Variants in C6orf120 observed in about 807,000 individuals in gnomAD.
C6orf120 encodes UPF0669 protein C6orf120.
For missense variants in C6orf120, 311 were observed against 264.2 expected (o/e 1.18, Z -1.23); for synonymous variants, 165 against 123.1 (o/e 1.34, Z -2.25).
downstream of C6orf120, chr6:169,705,859 TG>T (rs2128328655): frequency 1.6e-6 from 1 of 636,712 alleles, no homozygotes. Context: ...AGACAAAACT[TG>T]ACAGGAGTCT....
exon 1 of C6orf120, chr6:169,704,103 GTTAA>G (rs751419693): frequency 6.4e-7 from 1 of 1,567,542 alleles, no homozygotes; most frequent in Admixed American, 2.2e-5. Flanking sequence ...GAAAAAAATT[GTTAA>G]TATAGAATGA....
exon 1 of C6orf120, chr6:169,702,461 T>G: frequency 1.9e-6 from 3 of 1,539,266 alleles, no homozygotes; most frequent in Non-Finnish European, 2.6e-6. Context: ...CCGCCAGCCA[T>G]GGCCGCTCCC....
chr6:169,702,909 C>T, exon 1 of C6orf120: 3 of 1,612,640 alleles, frequency 1.9e-6, no homozygotes, highest in East Asian at 2.2e-5. Flanking sequence ...CCGCCTACCC[C>T]GCCGACGGCG....
downstream of C6orf120, chr6:169,705,468 A>C: frequency 1.4e-6 from 1 of 712,094 alleles, no homozygotes; most frequent in Non-Finnish European, 2.4e-6. Flanking sequence ...GTAGAGGAAA[A>C]CACATGGGCT....
chr6:169,705,543 G>A, downstream of C6orf120: 1 of 910,292 alleles, frequency 1.1e-6, no homozygotes, highest in Non-Finnish European at 1.8e-6. Context: ...AAATCTGCCT[G>A]AAACTATAAA....
chr6:169,703,737 CT>C, exon 1 of C6orf120: 2 of 438,010 alleles, frequency 4.6e-6, no homozygotes, highest in Non-Finnish European at 8.2e-6. Context: ...ACTTTTGGGG[CT>C]ATGGAGAAAC....
At chr6:169,704,111 A>G in exon 1 of C6orf120, 2 of 1,556,680 alleles carry the variant, frequency 1.3e-6, no homozygotes, top group Non-Finnish European at 1.7e-6. Flanking sequence ...TTGTTAATAT[A>G]GAATGAAAAA....
chr6:169,703,618 G>A (rs1365225019), exon 1 of C6orf120: 1 of 224,634 alleles, frequency 4.5e-6, no homozygotes, highest in Non-Finnish European at 9.3e-6. Flanking sequence ...CCAAATCTTA[G>A]TGGGCCATTT....
chr6:169,705,485 A>G (rs1788750735), downstream of C6orf120: 2 of 718,136 alleles, frequency 2.8e-6, no homozygotes, highest in South Asian at 1.7e-5. Flanking sequence ...GGCTGTGTCT[A>G]TGCCTCACAA....
chr6:169,703,940 T>C lies in C6orf120; in HGVS notation c.*905T>C, dbSNP rs560200480. On this transcript the variant is annotated 3_prime_UTR_variant, in exon 1 of 1. Coordinates refer to ENST00000332290, the Ensembl canonical transcript of C6orf120. The stretch of plus-strand genomic sequence containing the variant: ...AAATCTTTTATTGGCATGAAAATAA[T>C]GTTGTAAATGGCACCAAATATTCCA... 66 of 1,276,474 alleles carry C rather than the reference T, an allele frequency of 5.2e-5. No homozygotes were observed. In the Middle Eastern group the frequency reaches 1.1e-3, roughly 22 times the overall value. The allele number at this position is 1,276,474 out of a possible 1,614,324, so 79.1% of individuals were successfully genotyped here.
chr6:169,703,889 G>T, exon 1 of C6orf120: 1 of 759,552 alleles, frequency 1.3e-6, no homozygotes, highest in Non-Finnish European at 2.1e-6. Context: ...AATAACTGCA[G>T]ATTTTAAGCT....
chr6:169,705,828 G>C (rs2128328646), downstream of C6orf120: 1 of 699,148 alleles, frequency 1.4e-6, no homozygotes, highest in South Asian at 1.6e-5. Context: ...TTGGTAACTT[G>C]CTAATGAGGA....
chr6:169,705,708 T>C (rs757350691), downstream of C6orf120: 7 of 1,572,710 alleles, frequency 4.5e-6, no homozygotes, highest in Non-Finnish European at 6.1e-6. Flanking sequence ...ACATATAGCA[T>C]TTGGAATGAC....
At chr6:169,702,426 C>A (rs1376323874) in exon 1 of C6orf120, 10 of 1,344,916 alleles carry the variant, frequency 7.4e-6, no homozygotes, top group Non-Finnish European at 9.2e-6. Flanking sequence ...GCAGCACTGA[C>A]CCACTTGCAG....
chr6:169,703,001 G>A, exon 1 of C6orf120: 3 of 1,572,800 alleles, frequency 1.9e-6, no homozygotes, highest in Non-Finnish European at 2.6e-6. Flanking sequence ...ATATTAATTA[G>A]CATTTTGAAA....
chr6:169,703,909 C>A, exon 1 of C6orf120: 1 of 1,038,270 alleles, frequency 9.6e-7, no homozygotes, highest in Non-Finnish European at 1.4e-6. Context: ...TCATAATTTG[C>A]AAAAAAAATC....
exon 1 of C6orf120, chr6:169,702,729 C>A: frequency 6.2e-7 from 1 of 1,613,528 alleles, no homozygotes; most frequent in Non-Finnish European, 8.5e-7. Flanking sequence ...CCAGCTTCGA[C>A]GACTACGAGC....
At chr6:169,705,733 G>A (rs377234354), downstream of C6orf120, 8 of 1,292,292 alleles carry the variant, frequency 6.2e-6, no homozygotes, top group African/African-American at 1.0e-4. Context: ...GGCTGGAAGG[G>A]TAGAAGAGGG....
In C6orf120 at chr6:169,703,350, GAC is replaced by G. The variant is rs1409105257; in HGVS notation, c.*319_*320del. 1.5e-5 allele frequency: 5 copies of G among 344,822 alleles called. No individual in the cohort carries two copies. The East Asian group carries it at 2.9e-4, about 20-fold the overall frequency. 21.4% of individuals were successfully genotyped at this position (344,822 alleles called of 1,614,324 possible). ...AAAATAGAGCAACCTTTCATGCTGT[GAC>G]ACAAATCAAAAGGTTGATAACTTTG... is the stretch of plus-strand genomic sequence containing the variant. On this transcript the variant is annotated 3_prime_UTR_variant, in exon 1 of 1. Coordinates refer to ENST00000332290, the Ensembl canonical transcript of C6orf120.
Sources: allele counts gnomAD v4.1 joint callset, GRCh38; gene constraint gnomAD v4.1.1; transcripts MANE v1.5; gene names NCBI Gene and HGNC (gene_info 2026-07-23, HGNC 2026-07-21).